Variants in ABCA13 observed in about 807,000 individuals in gnomAD.
ABCA13 encodes ATP binding cassette subfamily A member 13, also known as ATP-binding cassette sub-family A member 13.
A neutral mutation model predicts 478.7 loss-of-function variants in ABCA13; 476 were observed. That is an observed-to-expected ratio of 0.99 (90% CI 0.92 to 1.07). The LOEUF is 1.07. Ranked by LOEUF, ABCA13 falls within the 50% of genes least tolerant of loss-of-function variation. The probability of loss-of-function intolerance (pLI) is 0.00; values close to 1 mark genes in which losing one functional copy is unlikely to be tolerated. For synonymous variants in ABCA13, 2,252 were observed against 2,158.9 expected, an observed-to-expected ratio of 1.04 and a Z score of -1.20; for missense variants, 6,060 against 5,910.6, an observed-to-expected ratio of 1.03 and a Z score of -0.83.
intron 23 of ABCA13, among the ~76,000 whole-genome samples, chr7:48,308,878 G>A (rs1448405478): frequency 1.3e-5 from 2 of 150,140 alleles, no homozygotes; most frequent in South Asian, 2.1e-4. Flanking sequence ...CAGGTTTGTA[G>A]TCTAGGAGCA....
At chr7:48,304,247 GA>G (rs1800571487) in intron 23 of ABCA13, among the ~76,000 whole-genome samples, 1 of 152,208 alleles carries the variant, frequency 6.6e-6, no homozygotes, top group African/African-American at 2.4e-5. Context: ...CACTCTTTCT[GA>G]AGGCATGAAG....
chr7:48,468,310 C>G (rs555199174), intron 44 of ABCA13, among the ~76,000 whole-genome samples: 12 of 152,312 alleles, frequency 7.9e-5, no homozygotes, highest in Non-Finnish European at 1.5e-5. Flanking sequence ...TCCATGAGCT[C>G]CTGCCCTCCA....
chr7:48,412,074 T>A (rs1410534618), intron 40 of ABCA13, among the ~76,000 whole-genome samples: 2 of 152,140 alleles, frequency 1.3e-5, no homozygotes, highest in Non-Finnish European at 2.9e-5. Flanking sequence ...TACAAACCTC[T>A]GGAGGCTGGC....
At chr7:48,198,129 G>T (rs982912712) in intron 2 of ABCA13, 108 bp from the exon 3 acceptor site, 10 of 1,152,436 alleles carry the variant, frequency 8.7e-6, no homozygotes, top group Middle Eastern at 2.9e-4. Context: ...TAATAGCAAG[G>T]TTAATAATAT....
chr7:48,361,375 G>A (rs1438778737), intron 31 of ABCA13, among the ~76,000 whole-genome samples: 1 of 151,160 alleles, frequency 6.6e-6, no homozygotes, highest in Non-Finnish European at 1.5e-5. Context: ...TCCTCTCTCG[G>A]TGTGGTTACT....
chr7:48,254,756 C>T (rs923423472), intron 15 of ABCA13, among the ~76,000 whole-genome samples: 2 of 152,120 alleles, frequency 1.3e-5, no homozygotes, highest in Non-Finnish European at 2.9e-5. Flanking sequence ...TCTTTTACTA[C>T]TGGGGTGTAG....
rs190851010 is a variant in ABCA13, at chr7:48,495,314, A to G, written c.13291+5970A>G. Among the ~76,000 whole-genome samples the G allele has an allele frequency of 4.2e-3, 632 of 152,274 alleles. 3 individuals carry two copies. The highest frequency in any genetic ancestry group is 0.013 in the African/African-American group (549 of 41,552). ...TCTTTGACCCAGGGATTATTTCAAA[A>G]CATGTTGTTTAAATTCTAAGTTTTT... On this transcript the variant is annotated intron_variant, in intron 48 of 61. Coordinates refer to ENST00000435803, the MANE Select transcript of ABCA13 (RefSeq NM_152701.5).
intron 31 of ABCA13, among the ~76,000 whole-genome samples, chr7:48,366,709 C>G (rs1160681989): frequency 6.6e-6 from 1 of 152,076 alleles, no homozygotes; most frequent in Non-Finnish European, 1.5e-5. Context: ...AATCCAGTAT[C>G]CTGGAAACTC....
At position 48,278,557 on chromosome 7, in the gene ABCA13, GA is replaced by G; in HGVS notation, c.7364del (p.Asp2455ValfsTer6). 6.2e-7 allele frequency: 1 copy of G among 1,613,880 alleles called. No individual in the cohort carries two copies. Among genetic ancestry groups the G allele is most frequent in the South Asian group, 1.1e-5 (1 of 91,064 alleles). ...LQEVILANLT[D>X]LLFFINNSFP... ...AGAAGTTATACTTGCTAATCTAACG[GA>G]TTTGCTTTTCTTTATAAATAATTCA... is the stretch of plus-strand genomic sequence containing the variant. On this transcript the variant is annotated frameshift_variant, in exon 18 of 62. Coordinates refer to ENST00000435803, the MANE Select transcript of ABCA13 (RefSeq NM_152701.5). LOFTEE classifies it high-confidence loss of function.
At chr7:48,443,979 G>A (rs915973426) in intron 42 of ABCA13, among the ~76,000 whole-genome samples, 1 of 151,996 alleles carries the variant, frequency 6.6e-6, no homozygotes, top group African/African-American at 2.4e-5. Flanking sequence ...GTTACAGGAG[G>A]AAACACCCTC....
intron 41 of ABCA13, among the ~76,000 whole-genome samples, chr7:48,420,188 C>T (rs915795667): frequency 6.6e-6 from 1 of 152,148 alleles, no homozygotes; most frequent in African/African-American, 2.4e-5. Context: ...AGCTCTTCAG[C>T]TAAAAAGCAT....
At chr7:48,348,286 C>T (rs1289981896) in intron 29 of ABCA13, among the ~76,000 whole-genome samples, 4 of 152,100 alleles carry the variant, frequency 2.6e-5, no homozygotes, top group Non-Finnish European at 4.4e-5. Flanking sequence ...TGGGGGACTC[C>T]GGGGACTCAT....
chr7:48,437,515 C>A (rs1423599614), intron 42 of ABCA13, among the ~76,000 whole-genome samples: 2 of 151,920 alleles, frequency 1.3e-5, no homozygotes, highest in Non-Finnish European at 2.9e-5. Flanking sequence ...ATATTGCTTT[C>A]CTGATTTTCT....
intron 46 of ABCA13, among the ~76,000 whole-genome samples, chr7:48,482,816 C>T (rs144699855): frequency 1.3e-5 from 2 of 152,320 alleles, no homozygotes; most frequent in East Asian, 3.9e-4. Context: ...TAAGGTGTGA[C>T]AAGTACACTT....
chr7:48,603,505 G>T (rs991805593), intron 58 of ABCA13, among the ~76,000 whole-genome samples: 1 of 152,128 alleles, frequency 6.6e-6, no homozygotes, highest in Non-Finnish European at 1.5e-5. Flanking sequence ...TTTCGTCGTT[G>T]ATTCTGTTTA....
At chr7:48,620,490 T>C (rs889273424) in intron 59 of ABCA13, among the ~76,000 whole-genome samples, 8 of 152,240 alleles carry the variant, frequency 5.3e-5, no homozygotes, top group South Asian at 2.1e-4. Flanking sequence ...GCATGTAAGA[T>C]GTTTAGCACC....
intron 58 of ABCA13, among the ~76,000 whole-genome samples, chr7:48,612,424 A>G (rs1359660202): frequency 2.0e-5 from 3 of 152,222 alleles, no homozygotes; most frequent in African/African-American, 7.2e-5. Context: ...AAATAAGTAA[A>G]GAAAATCCAT....
In ABCA13 at chr7:48,514,260, G is replaced by A. The variant is rs79308749; in HGVS notation, c.13641-2465G>A. On this transcript the variant is annotated intron_variant, in intron 51 of 61. Transcript: ENST00000435803. The stretch of plus-strand genomic sequence containing the variant: ...GCCAACCACATCATGTTCTCTGTGA[G>A]GTAGCTTTACCTAAACTCCCCTAAG... Among the ~76,000 whole-genome samples the A allele has an allele frequency of 4.7e-3, 719 of 152,232 alleles. 4 individuals are homozygous for A. Among genetic ancestry groups the A allele is most frequent in the African/African-American group, 0.016 (678 of 41,528 alleles).
intron 59 of ABCA13, among the ~76,000 whole-genome samples, chr7:48,631,712 A>G (rs78644686): frequency 0.016 from 2,391 of 152,008 alleles, 54 homozygotes; most frequent in African/African-American, 0.053. Flanking sequence ...GAATAATGAT[A>G]TTGGAATTTT....
Sources: gnomAD v4.1 joint callset for allele counts (sites outside exome capture counted in the v4.1 genomes callset) on GRCh38, gnomAD v4.1.1 for gene constraint, MANE v1.5 for transcripts, NCBI Gene and HGNC (gene_info 2026-07-23, HGNC 2026-07-21) for gene names.